Variants in SETDB2 observed in about 807,000 individuals in gnomAD.
SETDB2 encodes histone-lysine N-methyltransferase SETDB2.
Under a neutral mutation model 82.5 loss-of-function variants are expected in SETDB2, and 56 were observed. The ratio of observed to expected loss-of-function variants is 0.68; its 90% confidence interval spans 0.55 to 0.85. The LOEUF is 0.85. Among genes scored for constraint, SETDB2 ranks in the 40% least tolerant of loss-of-function variants. The pLI, the probability that SETDB2 is intolerant of heterozygous loss-of-function variation, is 0.00. For synonymous variants in SETDB2, 272 were observed against 284.9 expected (o/e 0.95, Z 0.46); for missense variants, 677 against 816.4 (o/e 0.83, Z 2.08).
At chr13:49,451,072 T>C (rs1957776727) in intron 1 of SETDB2, among the ~76,000 whole-genome samples, 1 of 151,548 alleles carries the variant, frequency 6.6e-6, no homozygotes, top group South Asian at 2.1e-4. Flanking sequence ...TGGAGGAAAA[T>C]GCAGGAAATG....
At chr13:49,485,050 A>G (rs911399339) in intron 10 of SETDB2, among the ~76,000 whole-genome samples, 7 of 152,390 alleles carry the variant, frequency 4.6e-5, no homozygotes, top group African/African-American at 1.7e-4. Flanking sequence ...TAAGTGCTCA[A>G]TACATGTTGA....
In SETDB2 at chr13:49,476,594, A is replaced by G; in HGVS notation, c.424A>G (p.Lys142Glu). 1 of 1,614,200 alleles carries G rather than the reference A, an allele frequency of 6.2e-7. No homozygotes were observed. Among genetic ancestry groups the G allele is most frequent in the Non-Finnish European group, 8.5e-7 (1 of 1,180,040 alleles). The change falls in exon 6 of 14, where the codon AAA becomes GAA. Residue 142 changes from lysine (K) to glutamate (E), a missense_variant. Physicochemically the swap from Lys to Glu is moderately conservative, Grantham distance 56. Coordinates refer to ENST00000611815, the MANE Select transcript of SETDB2 (RefSeq NM_001160308.3). ...TGACTGCTCTGGTGCTTGTCTGATG[A>G]AAATGCCACTGAACTTGAAGGGAGA... ...SHDCSGACLM[K>E]MPLNLKGENP...
In SETDB2 at chr13:49,473,551, CAAAAA is replaced by C. The variant is rs769808278; in HGVS notation, c.306-2907_306-2903del. On this transcript the variant is annotated intron_variant, in intron 5 of 13. Transcript: ENST00000611815. ...GGGTGACAGAGTAAGACCCTGTCTC[CAAAAA>C]AAAAAAAAAAAAAAAAATTCATAGG... 8.1e-5 allele frequency among the ~76,000 whole-genome samples: 5 copies of C among 61,560 alleles called. No individual in the cohort carries two copies. The East Asian group carries it at 1.5e-3, about 18-fold the overall frequency. The allele number at this position is 61,560 out of a possible 152,430, so 40.4% of individuals were successfully genotyped here.
Position 49,444,535 on chromosome 13 carries a change from G to A in SETDB2, c.-664G>A. 6.3e-6 allele frequency: 1 copy of A among 159,456 alleles called. No individual in the cohort carries two copies. The highest frequency in any genetic ancestry group is 1.4e-5 in the Non-Finnish European group (1 of 71,228). 9.9% of individuals were successfully genotyped at this position (159,456 alleles called of 1,614,324 possible). ...TGAAACCAAGGCACCGCCGTGGCTG[G>A]CCCCCGACAGTTCCTCTAGCCGGGA... On this transcript the variant is annotated 5_prime_UTR_variant, in exon 1 of 14. Coordinates refer to ENST00000611815, the MANE Select transcript of SETDB2 (RefSeq NM_001160308.3).
chr13:49,483,600 CT>C (rs1594175625), intron 10 of SETDB2, 37 bp downstream of exon 10: 11 of 300,266 alleles, frequency 3.7e-5, no homozygotes, highest in South Asian at 1.8e-4. Context: ...CCCTTCTTTT[CT>C]TTTTTAAATT....
In SETDB2 at chr13:49,467,933, ACTC is replaced by A; in HGVS notation, c.281_283del (p.Ser94del). 7 of 1,607,892 alleles carry A rather than the reference ACTC, an allele frequency of 4.4e-6. No individual in the cohort carries two copies. Among genetic ancestry groups the A allele is most frequent in the Non-Finnish European group, 5.9e-6 (7 of 1,177,620 alleles). On this transcript the variant is annotated inframe_deletion, in exon 5 of 14. Transcript: ENST00000611815. Reference sequence around the variant, plus strand: ...GCATTTCCCTCTACATCATGTGAAAACTCCTTTCCAGAAGACTGTACATTTCTG... The same window carrying A: ...GCATTTCCCTCTACATCATGTGAAAACTTTCCAGAAGACTGTACATTTCTG...
chr13:49,478,463 G>C (rs1958416207), intron 6 of SETDB2, among the ~76,000 whole-genome samples: 1 of 152,094 alleles, frequency 6.6e-6, no homozygotes, highest in Non-Finnish European at 1.5e-5. Context: ...GCAGCACACA[G>C]GACTAAACCC....
rs541462531 is a variant in SETDB2 at position 49,447,315 on chromosome 13, C to T, written c.-342+2458C>T. Among the ~76,000 whole-genome samples, 22 of 152,148 alleles carry T rather than the reference C, an allele frequency of 1.4e-4. No individual in the cohort carries two copies. The South Asian group carries it at 2.9e-3, about 20-fold the overall frequency. On this transcript the variant is annotated intron_variant, in intron 1 of 13. Coordinates refer to ENST00000611815, the MANE Select transcript of SETDB2 (RefSeq NM_001160308.3). ...TCTTAGCTTCTTGCTTGGCTTTTGA[C>T]TTTTTGTTAACTTATTTGTTCTACA...
chr13:49,462,153 G>A (rs1958007854), intron 4 of SETDB2, among the ~76,000 whole-genome samples: 2 of 152,106 alleles, frequency 1.3e-5, no homozygotes, highest in Admixed American at 6.6e-5. Context: ...CATTACATAG[G>A]CATGATTCAG....
In SETDB2 at chr13:49,455,185, CT is replaced by C. The variant is rs553702104; in HGVS notation, c.16+3279del. On this transcript the variant is annotated intron_variant, in intron 2 of 13. Transcript: ENST00000611815. ...ACATTCAGTCTTCTGTGTTATATTA[CT>C]TTGGTTGAACTGAATAAAAGACAAG... Among the ~76,000 whole-genome samples the C allele has an allele frequency of 6.8e-4, 104 of 152,170 alleles. 1 individual carries two copies. The East Asian group carries it at 0.015, about 22-fold the overall frequency.
chr13:49,473,494 G>A (rs1958290969), intron 5 of SETDB2, among the ~76,000 whole-genome samples: 1 of 148,510 alleles, frequency 6.7e-6, no homozygotes, highest in African/African-American at 2.5e-5. Flanking sequence ...GATGTTGTGG[G>A]GAACCAAGAT....
rs966282033 is a variant in SETDB2, at chr13:49,451,662, C to T, written c.-232C>T. 6 of 366,536 alleles carry T rather than the reference C, an allele frequency of 1.6e-5. No individual in the cohort carries two copies. Among genetic ancestry groups the T allele is most frequent in the Non-Finnish European group, 3.0e-5 (6 of 201,854 alleles). 22.7% of individuals were successfully genotyped at this position (366,536 alleles called of 1,614,324 possible). The stretch of plus-strand genomic sequence containing the variant: ...ATATTTACGTGAGAAGATTCATGGA[C>T]TTGTCTTTTGGTTGGACTGTCACTC... On this transcript the variant is annotated 5_prime_UTR_variant, in exon 2 of 14. Transcript: ENST00000611815.
intron 1 of SETDB2, among the ~76,000 whole-genome samples, chr13:49,448,066 C>T (rs369568025): frequency 6.6e-6 from 1 of 151,850 alleles, no homozygotes; most frequent in South Asian, 2.1e-4. Context: ...TGCTTCAGAA[C>T]AGGTTTGTGT....
Position 49,492,801 on chromosome 13 carries a change from A to G in SETDB2, c.*952A>G, listed in dbSNP as rs1410958847. On this transcript the variant is annotated 3_prime_UTR_variant, in exon 14 of 14. Coordinates refer to ENST00000611815, the MANE Select transcript of SETDB2 (RefSeq NM_001160308.3). ...TGTCAAAACCCTGTCTCTACAAAAA[A>G]TACAAAAATTAGCCTGGCATGATGG... 6.6e-6 allele frequency: 1 copy of G among 152,264 alleles called. No homozygotes were observed. Among genetic ancestry groups the G allele is most frequent in the African/African-American group, 2.4e-5 (1 of 41,454 alleles). The allele number at this position is 152,264 out of a possible 1,614,324, so 9.4% of individuals were successfully genotyped here.
At chr13:49,487,906 T>C (rs1310717305) in intron 11 of SETDB2, among the ~76,000 whole-genome samples, 1 of 152,220 alleles carries the variant, frequency 6.6e-6, no homozygotes, top group African/African-American at 2.4e-5. Context: ...ACACCCACTC[T>C]GTTACATTTG....
chr13:49,446,293 T>C (rs1272415697), intron 1 of SETDB2: 1 of 438,482 alleles, frequency 2.3e-6, no homozygotes, highest in African/African-American at 2.0e-5. Context: ...TTTTCTTGCG[T>C]GTCAAGGTTA....
chr13:49,485,069 A>G (rs1318092261), intron 10 of SETDB2, among the ~76,000 whole-genome samples: 2 of 152,268 alleles, frequency 1.3e-5, no homozygotes, highest in Non-Finnish European at 2.9e-5. Flanking sequence ...GACCATTCAC[A>G]TGCTGAGAAC....
At chr13:49,468,729 A>G (rs1958170675) in intron 5 of SETDB2, among the ~76,000 whole-genome samples, 1 of 151,990 alleles carries the variant, frequency 6.6e-6, no homozygotes, top group Admixed American at 6.6e-5. Flanking sequence ...ACTGTTTCAT[A>G]TAATTTGGAT....
chr13:49,476,934 C>G lies in SETDB2; in HGVS notation c.764C>G (p.Pro255Arg). 6.2e-7 allele frequency: 1 copy of G among 1,614,122 alleles called. No homozygotes were observed. The highest frequency in any genetic ancestry group is 8.5e-7 in the Non-Finnish European group (1 of 1,180,032). Residue 255 changes from proline (P) to arginine (R), a missense_variant, in exon 6 of 14, where the codon CCA (proline) becomes CGA (arginine). Pro to Arg is a moderately radical substitution (Grantham distance 103, BLOSUM62 -2). Transcript: ENST00000611815. The part of the protein sequence containing the change: ...FCNEIDSRKL[P>R]QFKYRKTVWP... ...AATGAAATTGACAGTAGAAAGCTCC[C>G]ACAGTTTAAGTACAGAAAGACTGTG...
Sources: gnomAD v4.1 joint callset for allele counts (sites outside exome capture counted in the v4.1 genomes callset) on GRCh38, gnomAD v4.1.1 for gene constraint, MANE v1.5 for transcripts, NCBI Gene and HGNC (gene_info 2026-07-23, HGNC 2026-07-21) for gene names.